The following SOX5 variants were observed in gnomAD, a reference collection of about 807,000 sequenced individuals.
The protein encoded by SOX5 is SRY-box transcription factor 5.
SOX5 carries 9 observed loss-of-function variants against 92.0 expected under a neutral mutation model. That is an observed-to-expected ratio of 0.10 (90% CI 0.06 to 0.17). SOX5 has a LOEUF of 0.17. SOX5 is among the 10% of genes least tolerant of loss of function. The pLI is 1.00. For synonymous variants in SOX5, 344 were observed against 336.3 expected, an observed-to-expected ratio of 1.02 and a Z score of -0.25; for missense variants, 642 against 944.5, an observed-to-expected ratio of 0.68 and a Z score of 4.20.
At chr12:24,337,110 A>C (rs1952003989) in intron 2 of SOX5, among the ~76,000 whole-genome samples, 1 of 152,200 alleles carries the variant, frequency 6.6e-6, no homozygotes, top group Non-Finnish European at 1.5e-5. Flanking sequence ...CCAAAGCTTA[A>C]CCAGAGCAAT....
intron 4 of SOX5, among the ~76,000 whole-genome samples, chr12:24,093,942 T>C (rs562443825): frequency 2.0e-5 from 3 of 152,304 alleles, no homozygotes; most frequent in African/African-American, 4.8e-5. Context: ...TGTGTATCTT[T>C]TTTTGTTTGT....
intron 1 of SOX5, among the ~76,000 whole-genome samples, chr12:24,428,597 C>A (rs1241657087): frequency 1.3e-5 from 2 of 151,648 alleles, no homozygotes; most frequent in African/African-American, 4.8e-5. Context: ...CAGAGTGAGA[C>A]CCTGTCTCCA....
intron 1 of SOX5, among the ~76,000 whole-genome samples, chr12:24,530,672 C>T (rs1221290017): frequency 6.7e-6 from 1 of 150,022 alleles, no homozygotes; most frequent in Admixed American, 6.7e-5. Flanking sequence ...CCCTAGTTTT[C>T]ATTGCCTTCT....
At chr12:24,115,752 G>T (rs1947918689) in intron 4 of SOX5, among the ~76,000 whole-genome samples, 1 of 152,162 alleles carries the variant, frequency 6.6e-6, no homozygotes. Context: ...AACTTGCATA[G>T]TCATAACAAT....
intron 3 of SOX5, among the ~76,000 whole-genome samples, chr12:23,836,867 A>T (rs2096422527): frequency 6.6e-6 from 1 of 151,918 alleles, no homozygotes; most frequent in African/African-American, 2.4e-5. Context: ...ATTTAGTTAC[A>T]TTCACTCTAT....
chr12:24,270,586 C>G (rs373581331), intron 3 of SOX5, among the ~76,000 whole-genome samples: 1 of 152,126 alleles, frequency 6.6e-6, no homozygotes, highest in Non-Finnish European at 1.5e-5. Flanking sequence ...AAAGCACATG[C>G]CCATGGAAGC....
intron 6 of SOX5, among the ~76,000 whole-genome samples, chr12:23,684,204 G>A (rs1479315167): frequency 1.3e-5 from 2 of 151,740 alleles, no homozygotes; most frequent in African/African-American, 2.4e-5. Context: ...ATATTTTTTT[G>A]TACTTGTGGT....
chr12:23,858,557 G>T (rs2096720259), intron 2 of SOX5, among the ~76,000 whole-genome samples: 1 of 152,182 alleles, frequency 6.6e-6, no homozygotes. Context: ...AGGTGCTGGT[G>T]AGGTTGCAGA....
At chr12:24,145,506 T>C (rs1950992486) in intron 4 of SOX5, among the ~76,000 whole-genome samples, 2 of 152,170 alleles carry the variant, frequency 1.3e-5, no homozygotes, top group Non-Finnish European at 2.9e-5. Flanking sequence ...AATAACTCTT[T>C]TTTTCTTTGA....
At chr12:23,798,906 T>C (rs923957124) in intron 3 of SOX5, among the ~76,000 whole-genome samples, 3 of 152,028 alleles carry the variant, frequency 2.0e-5, no homozygotes, top group Admixed American at 2.0e-4. Context: ...ATAACAACCC[T>C]ATTGTATACA....
chr12:23,946,808 A>G (rs1944667462), intron 1 of SOX5, among the ~76,000 whole-genome samples: 1 of 151,984 alleles, frequency 6.6e-6, no homozygotes. Context: ...TTTTTCAGTA[A>G]TCATAATCAG....
At chr12:24,383,686 C>A (rs956917448) in intron 1 of SOX5, among the ~76,000 whole-genome samples, 12 of 152,146 alleles carry the variant, frequency 7.9e-5, no homozygotes, top group Admixed American at 3.9e-4. Context: ...GTTCAAGAAA[C>A]CCTTATGGCA....
intron 2 of SOX5, among the ~76,000 whole-genome samples, chr12:24,330,061 A>G (rs1951126949): frequency 6.6e-6 from 1 of 152,082 alleles, no homozygotes; most frequent in Non-Finnish European, 1.5e-5. Flanking sequence ...AAAAACCTAA[A>G]AGTATCCACC....
chr12:23,542,887 A>G (rs1023778020), intron 13 of SOX5, among the ~76,000 whole-genome samples: 1 of 152,236 alleles, frequency 6.6e-6, no homozygotes, highest in African/African-American at 2.4e-5. Context: ...AATACAAATG[A>G]TCAGTAGCAA....
chr12:24,139,058 C>T (rs1156777349), intron 4 of SOX5, among the ~76,000 whole-genome samples: 1 of 152,174 alleles, frequency 6.6e-6, no homozygotes, highest in African/African-American at 2.4e-5. Flanking sequence ...TGCTCAGCTG[C>T]AACTGTTCCA....
chr12:24,265,092 T>C lies in SOX5; in HGVS notation c.-77+12124A>G, dbSNP rs140867098. On this transcript the variant is annotated intron_variant, in intron 3 of 4. Transcript: ENST00000446891. ...AAATCTTGGATGAACTTGTTATCAC[T>C]GTTATAGCATATTATTCTGCCATGT... 4.9e-3 allele frequency among the ~76,000 whole-genome samples: 739 copies of C among 152,310 alleles called. 21 individuals are homozygous for C. Among genetic ancestry groups the C allele is most frequent in the East Asian group, 4.4e-3 (23 of 5,188 alleles).
chr12:23,823,887 T>C (rs1027204369), intron 3 of SOX5, among the ~76,000 whole-genome samples: 9 of 152,210 alleles, frequency 5.9e-5, no homozygotes, highest in African/African-American at 2.2e-4. Context: ...CTGATAGCCT[T>C]TCTTTCGTTT....
chr12:24,067,810 A>T (rs1386596421), intron 4 of SOX5, among the ~76,000 whole-genome samples: 1 of 152,192 alleles, frequency 6.6e-6, no homozygotes. Flanking sequence ...GGTGAAACTA[A>T]GAGTAAAAAT....
rs1321080744 is a variant in SOX5 at position 23,578,143 on chromosome 12, A to AAAAAAAAAC, written c.1165-2306_1165-2305insGTTTTTTTT. 1.1e-3 allele frequency among the ~76,000 whole-genome samples: 138 copies of AAAAAAAAAC among 126,200 alleles called. 6 individuals carry two copies. The highest frequency in any genetic ancestry group is 1.9e-3 in the South Asian group (7 of 3,670). 82.8% of individuals were successfully genotyped at this position (126,200 alleles called of 152,430 possible). A position where few individuals can be genotyped will look rare whatever the true frequency, so the allele number is the denominator to read the frequency against. On this transcript the variant is annotated intron_variant, in intron 9 of 14. Transcript: ENST00000451604. ...AAAAAAAAAAAAAAAAAAAAAAAAA[A>AAAAAAAAAC]AAAAAAACTATAGGGGCAATATTAT...
Sources: allele counts gnomAD v4.1 joint callset (sites outside exome capture counted in the v4.1 genomes callset), GRCh38; gene constraint gnomAD v4.1.1; transcripts MANE v1.5; gene names NCBI Gene and HGNC (gene_info 2026-07-23, HGNC 2026-07-21).